PLXNA4: variants seen among roughly 807,000 people sequenced by gnomAD.
PLXNA4 encodes the protein plexin A4.
PLXNA4 carries 44 observed loss-of-function variants against 191.8 expected under a neutral mutation model. The observed-to-expected ratio is 0.23, with a 90% CI of 0.18 to 0.29. PLXNA4 has a LOEUF of 0.29. Ranked by LOEUF, PLXNA4 falls within the 10% of genes least tolerant of loss-of-function variation. The probability of loss-of-function intolerance (pLI) is 1.00; values close to 1 mark genes in which losing one functional copy is unlikely to be tolerated. For synonymous variants in PLXNA4, 1,082 were observed against 1,009.5 expected (o/e 1.07, Z -1.36); for missense variants, 1,800 against 2,488.8 (o/e 0.72, Z 5.89).
At chr7:132,227,726 G>C in intron 6 of PLXNA4, 122 bp from the exon 7 acceptor site, 1 of 1,286,238 alleles carries the variant, frequency 7.8e-7, no homozygotes, top group Non-Finnish European at 1.1e-6. Context: ...ACAAGCAAGA[G>C]GCAATATTAA....
intron 4 of PLXNA4, among the ~76,000 whole-genome samples, chr7:132,244,306 C>G (rs1798976243): frequency 6.6e-6 from 1 of 152,132 alleles, no homozygotes; most frequent in African/African-American, 2.4e-5. Context: ...TCAGGTCAGC[C>G]TCATCTCACT....
rs752492669 is a variant in PLXNA4, at chr7:132,211,015, G to A, written c.2226C>T (p.Asn742=). 4.3e-6 allele frequency: 7 copies of A among 1,614,104 alleles called. No individual in the cohort carries two copies. Among genetic ancestry groups the A allele is most frequent in the Non-Finnish European group, 5.9e-6 (7 of 1,180,016 alleles). The stretch of plus-strand genomic sequence containing the variant: ...GCACTCGCTGCTCGCTGCCCTGAAT[G>A]TTGAGGATGCATTCGTAGCCACGCT... ...SGQRGYECIL[N]IQGSEQRVPA... is the part of the protein sequence containing the mutation. The change falls in exon 10 of 32, where the codon AAC becomes AAT. Residue 742 remains asparagine (N), a synonymous_variant. Transcript: ENST00000321063.
rs371749132 is a variant in PLXNA4, at chr7:132,180,631, C to T, written c.3594G>A (p.Gln1198=). 8.7e-6 allele frequency: 14 copies of T among 1,614,074 alleles called. No homozygotes were observed. Among genetic ancestry groups the T allele is most frequent in the Non-Finnish European group, 1.1e-5 (13 of 1,180,052 alleles). The stretch of plus-strand genomic sequence containing the variant: ...TGAGGTTGGGGGACTCGCAGAGCAG[C>T]TGGACATCTGACACGGTCACGGTGC... ...KPCTVTVSDV[Q]LLCESPNLIG... Residue 1198 remains glutamine (Q), a synonymous_variant, in exon 19 of 32, where the codon CAG becomes CAA. Coordinates refer to ENST00000321063, the MANE Select transcript of PLXNA4 (RefSeq NM_020911.2).
chr7:132,444,693 T>C (rs193232966), intron 3 of PLXNA4, among the ~76,000 whole-genome samples: 2 of 152,230 alleles, frequency 1.3e-5, no homozygotes, highest in Admixed American at 1.3e-4. Context: ...TGGGAGGGTG[T>C]GTGGGGTTTG....
At chr7:132,151,618 A>G in intron 25 of PLXNA4, among the ~76,000 whole-genome samples, 3 of 143,752 alleles carry the variant, frequency 2.1e-5, no homozygotes, top group Non-Finnish European at 3.0e-5. Context: ...GAGGGGGAGA[A>G]GGGGAAGGAG....
intron 12 of PLXNA4, among the ~76,000 whole-genome samples, chr7:132,201,651 C>T (rs1394590876): frequency 6.6e-6 from 1 of 152,160 alleles, no homozygotes; most frequent in Non-Finnish European, 1.5e-5. Context: ...GGCACAGATG[C>T]CATGGTGCCA....
chr7:132,525,650 G>A (rs886611627), intron 1 of PLXNA4, among the ~76,000 whole-genome samples: 3 of 152,186 alleles, frequency 2.0e-5, no homozygotes, highest in Admixed American at 2.0e-4. Flanking sequence ...AAGACCTAGA[G>A]AAAACTTGTG....
chr7:132,285,875 T>C (rs1800664040), intron 4 of PLXNA4, among the ~76,000 whole-genome samples: 1 of 152,152 alleles, frequency 6.6e-6, no homozygotes, highest in Non-Finnish European at 1.5e-5. Context: ...GTGAGTCAAC[T>C]TCTACCAACA....
rs574604375 is a variant in PLXNA4, at chr7:132,123,660, A to G, written c.*6819T>C. The G allele has an allele frequency of 4.6e-5, 7 of 152,278 alleles. No homozygotes were observed. Among genetic ancestry groups the G allele is most frequent in the Non-Finnish European group, 7.3e-5 (5 of 68,028 alleles). 9.4% of individuals were successfully genotyped at this position (152,278 alleles called of 1,614,324 possible). A position where few individuals can be genotyped will look rare whatever the true frequency, so the allele number is the denominator to read the frequency against. ...CATTTTAACACTGTTGTCTAAAGAT[A>G]TGCTTTGCTTTGTTCTAACAAAGGG... On this transcript the variant is annotated 3_prime_UTR_variant, in exon 32 of 32. Coordinates refer to ENST00000321063, the MANE Select transcript of PLXNA4 (RefSeq NM_020911.2).
At chr7:132,135,743 G>T (rs1795093241) in intron 30 of PLXNA4, among the ~76,000 whole-genome samples, 2 of 152,268 alleles carry the variant, frequency 1.3e-5, no homozygotes, top group Admixed American at 6.5e-5. Context: ...CAGGGCTGGG[G>T]CCCTGACCAT....
chr7:132,374,006 G>A (rs1373486244), intron 3 of PLXNA4, among the ~76,000 whole-genome samples: 1 of 152,192 alleles, frequency 6.6e-6, no homozygotes, highest in Non-Finnish European at 1.5e-5. Context: ...CAGCAGCTGG[G>A]ATTGATTGCA....
At chr7:132,406,554 T>C (rs1794226288) in intron 3 of PLXNA4, among the ~76,000 whole-genome samples, 1 of 152,226 alleles carries the variant, frequency 6.6e-6, no homozygotes, top group Admixed American at 6.5e-5. Context: ...CTTCAGAGCA[T>C]CTGCTCCCTC....
At chr7:132,311,176 G>GTGTGTGTGTGTGTT (rs1199591967) in intron 3 of PLXNA4, among the ~76,000 whole-genome samples, 2 of 134,424 alleles carry the variant, frequency 1.5e-5, no homozygotes, top group South Asian at 2.4e-4. Flanking sequence ...GTGTGTGTGT[G>GTGTGTGTGTGTGTT]TGTGTGTGTG....
At chr7:132,479,003 C>A (rs1025664496) in intron 3 of PLXNA4, among the ~76,000 whole-genome samples, 4 of 152,154 alleles carry the variant, frequency 2.6e-5, no homozygotes, top group Admixed American at 2.6e-4. Context: ...CATGGTAGCT[C>A]ATACCTGTAA....
intron 3 of PLXNA4, among the ~76,000 whole-genome samples, chr7:132,386,668 G>A (rs561804925): frequency 2.6e-5 from 4 of 152,260 alleles, no homozygotes; most frequent in African/African-American, 7.2e-5. Flanking sequence ...ACGTTAAACC[G>A]TCGTCTGAAA....
intron 1 of PLXNA4, among the ~76,000 whole-genome samples, chr7:132,512,517 T>C (rs1798762372): frequency 1.3e-5 from 2 of 152,074 alleles, no homozygotes; most frequent in Admixed American, 1.3e-4. Flanking sequence ...TAACATGTAC[T>C]GGGAATAACC....
rs1795779967 is a variant in PLXNA4, at chr7:132,156,004, G to C, written c.4660+3469C>G. ...CTGCCAGCAGACAGCCTTCAGACTT[G>C]AACTGCAATGTTGCCTCCTCCCTGG... On this transcript the variant is annotated intron_variant, in intron 25 of 31. Transcript: ENST00000321063. Among the ~76,000 whole-genome samples, 7 of 152,172 alleles carry C rather than the reference G, an allele frequency of 4.6e-5. 1 individual carries two copies. In the South Asian group the frequency reaches 1.5e-3, roughly 32 times the overall value.
chr7:132,244,799 G>A (rs1434837168), intron 4 of PLXNA4, among the ~76,000 whole-genome samples: 1 of 152,218 alleles, frequency 6.6e-6, no homozygotes, highest in African/African-American at 2.4e-5. Context: ...CAAAGCATCA[G>A]AAGTTTTTCT....
At chr7:132,131,931 G>T (rs1279558751) in intron 31 of PLXNA4, among the ~76,000 whole-genome samples, 4 of 152,214 alleles carry the variant, frequency 2.6e-5, no homozygotes, top group Non-Finnish European at 4.4e-5. Flanking sequence ...GGCCTGCTGG[G>T]TCTGCTTCTT....
Sources: gnomAD v4.1 joint callset for allele counts (sites outside exome capture counted in the v4.1 genomes callset) on GRCh38, gnomAD v4.1.1 for gene constraint, MANE v1.5 for transcripts, NCBI Gene and HGNC (gene_info 2026-07-23, HGNC 2026-07-21) for gene names.